The following NRG1 variants were observed in gnomAD, a reference collection of about 807,000 sequenced individuals.
The protein encoded by NRG1 is neuregulin 1.
A neutral mutation model predicts 63.8 loss-of-function variants in NRG1; 18 were observed. The ratio of observed to expected loss-of-function variants is 0.28; its 90% confidence interval spans 0.19 to 0.42. The LOEUF (loss-of-function observed/expected upper bound fraction) is 0.42. NRG1 is among the 10% of genes least tolerant of loss of function. The pLI, the probability that NRG1 is intolerant of heterozygous loss-of-function variation, is 1.00. For missense variants in NRG1, 762 were observed against 814.7 expected (o/e 0.94, Z 0.79); for synonymous variants, 302 against 301.3 (o/e 1.00, Z -0.02).
At chr8:32,634,236 A>T (rs560828635) in intron 5 of NRG1, among the ~76,000 whole-genome samples, 1 of 152,234 alleles carries the variant, frequency 6.6e-6, no homozygotes, top group South Asian at 2.1e-4. Flanking sequence ...GTAACTACTG[A>T]CCTGATCTTC....
At chr8:31,892,766 TCAC>T (rs1453838589) in intron 1 of NRG1, among the ~76,000 whole-genome samples, 2 of 152,098 alleles carry the variant, frequency 1.3e-5, no homozygotes, top group African/African-American at 4.8e-5. Context: ...CAGTTTATCA[TCAC>T]CTCCCTGTAA....
intron 1 of NRG1, among the ~76,000 whole-genome samples, chr8:32,079,289 A>G (rs746546376): frequency 5.3e-5 from 8 of 152,168 alleles, no homozygotes; most frequent in Non-Finnish European, 7.4e-5. Flanking sequence ...GTTTGTTTAA[A>G]AGATAAAGCA....
intron 5 of NRG1, among the ~76,000 whole-genome samples, chr8:32,635,519 C>T (rs1669087289): frequency 6.6e-6 from 1 of 151,916 alleles, no homozygotes; most frequent in Non-Finnish European, 1.5e-5. Flanking sequence ...TTGAGTTGGA[C>T]AATTCAAGCA....
intron 3 of NRG1, among the ~76,000 whole-genome samples, chr8:32,613,530 C>T (rs551543304): frequency 6.6e-6 from 1 of 151,990 alleles, no homozygotes; most frequent in South Asian, 2.1e-4. Flanking sequence ...CCATTATTAA[C>T]AGAATATTAA....
At chr8:32,653,485 G>A (rs1271313660) in intron 5 of NRG1, among the ~76,000 whole-genome samples, 4 of 152,090 alleles carry the variant, frequency 2.6e-5, no homozygotes, top group Non-Finnish European at 5.9e-5. Context: ...TCCCACCTCT[G>A]CTACCAACAG....
At chr8:31,787,511 C>A (rs1008787820) in intron 1 of NRG1, among the ~76,000 whole-genome samples, 1 of 152,094 alleles carries the variant, frequency 6.6e-6, no homozygotes, top group Non-Finnish European at 1.5e-5. Context: ...AGCCTCAAAC[C>A]GTTTTGTTTT....
At chr8:32,284,319 T>TG (rs1426989002) in intron 1 of NRG1, among the ~76,000 whole-genome samples, 1 of 152,144 alleles carries the variant, frequency 6.6e-6, no homozygotes, top group African/African-American at 2.4e-5. Context: ...TTCCATCCAC[T>TG]GACCCCACAC....
chr8:32,146,469 T>C (rs1385225277), intron 1 of NRG1, among the ~76,000 whole-genome samples: 2 of 152,154 alleles, frequency 1.3e-5, no homozygotes, highest in African/African-American at 2.4e-5. Flanking sequence ...ATGATTAGAA[T>C]GATAAACTCA....
At chr8:32,524,495 G>T (rs898936453) in intron 1 of NRG1, among the ~76,000 whole-genome samples, 1 of 101,648 alleles carries the variant, frequency 9.8e-6, no homozygotes, top group Non-Finnish European at 2.0e-5. Flanking sequence ...TTTCCTTAAA[G>T]ATTTTTTTTT....
At chr8:32,396,594 G>A (rs1164800229) in intron 1 of NRG1, among the ~76,000 whole-genome samples, 1 of 152,012 alleles carries the variant, frequency 6.6e-6, no homozygotes, top group African/African-American at 2.4e-5. Context: ...GATTACAGGT[G>A]CCAGCCACCA....
intron 2 of NRG1, among the ~76,000 whole-genome samples, chr8:32,596,563 G>A (rs552341969): frequency 8.5e-4 from 126 of 147,896 alleles, no homozygotes; most frequent in African/African-American, 2.9e-3. Flanking sequence ...GCACGCCACC[G>A]CACTCCAGCC....
chr8:32,617,651 C>T (rs1350781102), intron 5 of NRG1, among the ~76,000 whole-genome samples: 1 of 152,178 alleles, frequency 6.6e-6, no homozygotes, highest in African/African-American at 2.4e-5. Context: ...TCTTTCTCTT[C>T]CTTATGTTAG....
At chr8:32,574,268 C>T (rs985431293) in intron 1 of NRG1, among the ~76,000 whole-genome samples, 5 of 152,102 alleles carry the variant, frequency 3.3e-5, no homozygotes, top group East Asian at 1.9e-4. Context: ...TGAGACATTC[C>T]GTAATTATGT....
At chr8:32,027,340 A>G (rs1817540356) in intron 1 of NRG1, among the ~76,000 whole-genome samples, 1 of 152,094 alleles carries the variant, frequency 6.6e-6, no homozygotes, top group Non-Finnish European at 1.5e-5. Context: ...TGAATTTCAA[A>G]TTGAGCTGGG....
At chr8:31,768,820 A>G (rs1818332190) in intron 1 of NRG1, among the ~76,000 whole-genome samples, 1 of 152,220 alleles carries the variant, frequency 6.6e-6, no homozygotes, top group South Asian at 2.1e-4. Flanking sequence ...ATCTCAGTGA[A>G]GAGAAAGACA....
intron 5 of NRG1, among the ~76,000 whole-genome samples, chr8:32,656,027 G>C (rs777063710): frequency 4.6e-5 from 7 of 151,968 alleles, no homozygotes; most frequent in African/African-American, 1.2e-4. Flanking sequence ...TCTATGAGTT[G>C]TTTTCAGCAT....
At chr8:32,175,895 T>C (rs1471993199) in intron 1 of NRG1, among the ~76,000 whole-genome samples, 1 of 152,142 alleles carries the variant, frequency 6.6e-6, no homozygotes, top group Non-Finnish European at 1.5e-5. Flanking sequence ...ATTATGAAAA[T>C]GGCCATACTG....
chr8:31,757,150 C>T (rs1261519236), intron 1 of NRG1, among the ~76,000 whole-genome samples: 2 of 152,072 alleles, frequency 1.3e-5, no homozygotes, highest in Non-Finnish European at 2.9e-5. Context: ...TTCAGGCTGT[C>T]TCAATACTGG....
intron 1 of NRG1, among the ~76,000 whole-genome samples, chr8:32,055,064 A>AT (rs1822691028): frequency 6.6e-6 from 1 of 150,560 alleles, no homozygotes; most frequent in Non-Finnish European, 1.5e-5. Context: ...ATTTTTTTGT[A>AT]TTTTTAGTAG....
Sources: gnomAD v4.1 joint callset for allele counts (sites outside exome capture counted in the v4.1 genomes callset) on GRCh38, gnomAD v4.1.1 for gene constraint, MANE v1.5 for transcripts, NCBI Gene and HGNC (gene_info 2026-07-23, HGNC 2026-07-21) for gene names.